Variants in GLIPR1 observed in about 807,000 individuals in gnomAD.
The protein encoded by GLIPR1 is GLI pathogenesis related 1.
GLIPR1 carries 38 observed loss-of-function variants against 30.3 expected under a neutral mutation model. That is an observed-to-expected ratio of 1.26 (90% confidence interval 0.97 to 1.65). The LOEUF (loss-of-function observed/expected upper bound fraction) is 1.65. GLIPR1 is among the 40% of genes most tolerant of loss of function. The pLI is 0.00. For synonymous variants in GLIPR1, 122 were observed against 110.6 expected (o/e 1.10, Z -0.65); for missense variants, 285 against 326.5 (o/e 0.87, Z 0.98).
At chr12:75,495,458 C>G in intron 3 of GLIPR1, 119 bp from the exon 4 acceptor site, 1 of 604,908 alleles carries the variant, frequency 1.7e-6, no homozygotes, top group East Asian at 2.8e-5. Flanking sequence ...CTATTACCAA[C>G]TCTCTGGACC....
intron 2 of GLIPR1, among the ~76,000 whole-genome samples, chr12:75,486,169 A>G (rs2046293200): frequency 6.6e-6 from 1 of 152,242 alleles, no homozygotes. Context: ...CTACAAAAGG[A>G]AGAGCAATAA....
At chr12:75,487,259 T>TGGCA (rs2046297674) in intron 2 of GLIPR1, among the ~76,000 whole-genome samples, 1 of 152,202 alleles carries the variant, frequency 6.6e-6, no homozygotes, top group Non-Finnish European at 1.5e-5. Context: ...CTCCAGTGAC[T>TGGCA]GGCATTCAGT....
intron 4 of GLIPR1, 56 bp downstream of exon 4, chr12:75,495,718 C>A: frequency 9.9e-7 from 1 of 1,006,482 alleles, no homozygotes; most frequent in Non-Finnish European, 1.5e-6. Context: ...ATGTAACTTT[C>A]TACAGAATTA....
Position 75,501,792 on chromosome 12 carries a change from T to C in GLIPR1, c.*2814T>C, listed in dbSNP as rs369198555. ...GCTTTGTTTCTTTCCTCTTGTCTCT[T>C]ACTGATGGCTTCTGCTTGTTTAGCC... On this transcript the variant is annotated 3_prime_UTR_variant, in exon 6 of 6. Coordinates refer to ENST00000266659, the MANE Select transcript of GLIPR1 (RefSeq NM_006851.3). 2.9e-5 allele frequency: 46 copies of C among 1,610,062 alleles called. No individual in the cohort carries two copies. The highest frequency in any genetic ancestry group is 3.9e-5 in the Non-Finnish European group (46 of 1,177,948).
intron 3 of GLIPR1, 53 bp from the exon 4 acceptor site, chr12:75,495,524 C>T: frequency 1.0e-6 from 1 of 956,872 alleles, no homozygotes; most frequent in South Asian, 1.3e-5. Flanking sequence ...TAGTAAATTG[C>T]AATTTTAAAA....
At chr12:75,495,892 A>C (rs578170002) in intron 4 of GLIPR1, 40 of 327,026 alleles carry the variant, frequency 1.2e-4, no homozygotes, top group East Asian at 1.0e-3. Flanking sequence ...ACAACAACAA[A>C]AAAAACTGTC....
In GLIPR1 at chr12:75,499,196, T is replaced by G. The variant is rs1594064339; in HGVS notation, c.*218T>G. On this transcript the variant is annotated 3_prime_UTR_variant, in exon 6 of 6. Transcript: ENST00000266659. ...TATTTGCAGGTTGCCACAGGTGGAC[T>G]TTTAGTAAGTAACCTAACCCATGTT... 2.6e-6 allele frequency: 1 copy of G among 378,972 alleles called. No homozygotes were observed. The highest frequency in any genetic ancestry group is 4.4e-5 in the East Asian group (1 of 22,632). 23.5% of individuals were successfully genotyped at this position (378,972 alleles called of 1,614,324 possible).
At chr12:75,495,539 GA>G (rs1566099797) in intron 3 of GLIPR1, 37 bp from the exon 4 acceptor site, 2 of 1,241,978 alleles carry the variant, frequency 1.6e-6, no homozygotes, top group East Asian at 2.3e-5. Flanking sequence ...TTAAAAAACC[GA>G]AAAACTTCTA....
At chr12:75,491,935 A>G (rs374257040) in intron 3 of GLIPR1, 33 of 152,290 alleles carry the variant, frequency 2.2e-4, no homozygotes, top group African/African-American at 7.7e-4. Flanking sequence ...GACATGCTCG[A>G]TACTCTGACT....
chr12:75,490,306 C>CT (rs2046314540), intron 2 of GLIPR1, 100 bp from the exon 3 acceptor site: 2 of 677,984 alleles, frequency 2.9e-6, no homozygotes, highest in African/African-American at 1.8e-5. Context: ...TTTAAGCACT[C>CT]TAACTAGAGT....
chr12:75,502,020 C>CAATT lies in GLIPR1; in HGVS notation c.*3044_*3047dup. 1 of 1,584,234 alleles carries CAATT rather than the reference C, an allele frequency of 6.3e-7. No homozygotes were observed. Among genetic ancestry groups the CAATT allele is most frequent in the East Asian group, 2.3e-5 (1 of 43,474 alleles). On this transcript the variant is annotated 3_prime_UTR_variant, in exon 6 of 6. Coordinates refer to ENST00000266659, the MANE Select transcript of GLIPR1 (RefSeq NM_006851.3). ...ATCGATCTGTTGAAAACGGTATTTA[C>CAATT]AATTACATCAGAAATAATGTAGAGG...
In GLIPR1 at chr12:75,499,730, A is replaced by G. The variant is rs913223920; in HGVS notation, c.*752A>G. 9.6e-6 allele frequency: 11 copies of G among 1,141,290 alleles called. No homozygotes were observed. In the Admixed American group the frequency reaches 2.7e-4, roughly 28 times the overall value. 70.7% of individuals were successfully genotyped at this position (1,141,290 alleles called of 1,614,324 possible). Reference sequence around the variant, plus strand: ...AAAAAAAGCCCTCAGAAAATTTCTCACAAATAAGGCAACTAATGCCTGATA... The same window carrying G: ...AAAAAAAGCCCTCAGAAAATTTCTCGCAAATAAGGCAACTAATGCCTGATA... On this transcript the variant is annotated 3_prime_UTR_variant, in exon 6 of 6. Coordinates refer to ENST00000266659, the MANE Select transcript of GLIPR1 (RefSeq NM_006851.3).
rs2046404140 is a variant in GLIPR1 at position 75,502,862 on chromosome 12, C to CA, written c.*3885dup. 1 of 152,002 alleles carries CA rather than the reference C, an allele frequency of 6.6e-6. No homozygotes were observed. The highest frequency in any genetic ancestry group is 1.5e-5 in the Non-Finnish European group (1 of 67,936). The allele number at this position is 152,002 out of a possible 1,614,324, so 9.4% of individuals were successfully genotyped here. A position where few individuals can be genotyped will look rare whatever the true frequency, so the allele number is the denominator to read the frequency against. ...TGGAAGCATGGTTTAATGACTGCAT[C>CA]ACTCCACTTTCCCCCTAACTACTAT... is the stretch of plus-strand genomic sequence containing the variant. On this transcript the variant is annotated 3_prime_UTR_variant, in exon 6 of 6. Transcript: ENST00000266659.
At chr12:75,482,866 T>C (rs1366870673) in intron 2 of GLIPR1, among the ~76,000 whole-genome samples, 3 of 152,160 alleles carry the variant, frequency 2.0e-5, no homozygotes, top group Admixed American at 1.3e-4. Context: ...TTTGTTTATT[T>C]ACTGTCACTT....
chr12:75,491,285 T>C (rs1275184368), intron 3 of GLIPR1: 3 of 152,202 alleles, frequency 2.0e-5, no homozygotes, highest in African/African-American at 2.4e-5. Flanking sequence ...CTACCCCTGT[T>C]TGGCAAATGA....
chr12:75,493,101 G>A (rs764363833), intron 3 of GLIPR1: 6 of 152,084 alleles, frequency 3.9e-5, no homozygotes, highest in African/African-American at 1.2e-4. Flanking sequence ...CAGATGAAAC[G>A]GGGGGAGGAA....
intron 4 of GLIPR1, chr12:75,497,385 A>G (rs748205318): frequency 3.3e-5 from 5 of 152,218 alleles, no homozygotes; most frequent in Non-Finnish European, 7.3e-5. Context: ...TTGAGAAAAC[A>G]CATGCTAACT....
chr12:75,499,628 T>C lies in GLIPR1; in HGVS notation c.*650T>C, dbSNP rs1305046060. The C allele has an allele frequency of 1.4e-5, 5 of 350,184 alleles. No individual in the cohort carries two copies. The highest frequency in any genetic ancestry group is 8.6e-5 in the African/African-American group (4 of 46,282). 21.7% of individuals were successfully genotyped at this position (350,184 alleles called of 1,614,324 possible). A position where few individuals can be genotyped will look rare whatever the true frequency, so the allele number is the denominator to read the frequency against. On this transcript the variant is annotated 3_prime_UTR_variant, in exon 6 of 6. Coordinates refer to ENST00000266659, the MANE Select transcript of GLIPR1 (RefSeq NM_006851.3). ...AAGACTTATATACCACTTTCTCGTATAAATTTTTCAAAAAATACAATAATA... is the reference window on the plus strand; with the variant it reads ...AAGACTTATATACCACTTTCTCGTACAAATTTTTCAAAAAATACAATAATA...
In GLIPR1 at chr12:75,500,538, G is replaced by C. The variant is rs1379156158; in HGVS notation, c.*1560G>C. On this transcript the variant is annotated 3_prime_UTR_variant, in exon 6 of 6. Transcript: ENST00000266659. ...TTAATTCATTGAATATTAATTCAAT[G>C]AATGACTAATTAATAGTATTTTAAC... 1 of 151,448 alleles carries C rather than the reference G, an allele frequency of 6.6e-6. No individual in the cohort carries two copies. Among genetic ancestry groups the C allele is most frequent in the Non-Finnish European group, 1.5e-5 (1 of 67,606 alleles). 9.4% of individuals were successfully genotyped at this position (151,448 alleles called of 1,614,324 possible). A position where few individuals can be genotyped will look rare whatever the true frequency, so the allele number is the denominator to read the frequency against.
Sources: gnomAD v4.1 joint callset for allele counts (sites outside exome capture counted in the v4.1 genomes callset) on GRCh38, gnomAD v4.1.1 for gene constraint, MANE v1.5 for transcripts, NCBI Gene and HGNC (gene_info 2026-07-23, HGNC 2026-07-21) for gene names.